The following IGF2R variants were observed in gnomAD, a reference collection of about 807,000 sequenced individuals.
The protein encoded by IGF2R is insulin like growth factor 2 receptor, also known as cation-independent mannose-6-phosphate receptor.
A neutral mutation model predicts 270.6 loss-of-function variants in IGF2R; 91 were observed. The ratio of observed to expected loss-of-function variants is 0.34; its 90% CI spans 0.28 to 0.40. IGF2R has a LOEUF of 0.40. IGF2R is among the 10% of genes least tolerant of loss of function. The probability of loss-of-function intolerance (pLI) is 1.00; values close to 1 mark genes in which losing one functional copy is unlikely to be tolerated. For missense variants in IGF2R, 2,805 were observed against 3,188.3 expected (o/e 0.88, Z 2.90); for synonymous variants, 1,316 against 1,258.9 (o/e 1.05, Z -0.96).
At chr6:160,047,124 A>T (rs762513029) in intron 15 of IGF2R, 35 bp from the exon 16 acceptor site, 1 of 1,605,254 alleles carries the variant, frequency 6.2e-7, no homozygotes, top group Non-Finnish European at 8.5e-7. Context: ...TCTGCCCCTC[A>T]GGTCTTTGCT....
intron 44 of IGF2R, chr6:160,093,816 G>C: frequency 1.4e-6 from 1 of 734,398 alleles, no homozygotes; most frequent in East Asian, 2.6e-5. Flanking sequence ...GAGCTGTTAA[G>C]GGTGCTGTGC....
intron 1 of IGF2R, among the ~76,000 whole-genome samples, chr6:159,971,053 C>G (rs1783601624): frequency 6.6e-6 from 1 of 152,194 alleles, no homozygotes; most frequent in Non-Finnish European, 1.5e-5. Flanking sequence ...GCACTCTAGT[C>G]TGGGCGACAG....
At chr6:160,022,250 G>A (rs748195333) in intron 4 of IGF2R, among the ~76,000 whole-genome samples, 12 of 152,192 alleles carry the variant, frequency 7.9e-5, no homozygotes, top group Non-Finnish European at 1.8e-4. Flanking sequence ...GTGAGAGGGT[G>A]GGAGGGCAGT....
At chr6:160,062,418 C>T (rs8191848) in intron 25 of IGF2R, 114 bp from the exon 26 acceptor site, 105 of 743,148 alleles carry the variant, frequency 1.4e-4, no homozygotes, top group African/African-American at 3.8e-4. Flanking sequence ...GTGATCCACC[C>T]GTCTCGGCCT....
At chr6:159,992,580 C>A (rs544376679) in intron 2 of IGF2R, among the ~76,000 whole-genome samples, 14 of 150,046 alleles carry the variant, frequency 9.3e-5, no homozygotes, top group Admixed American at 2.0e-4. Flanking sequence ...TGGAATTTGT[C>A]CATAGAAAAG....
chr6:159,993,985 ATTT>A (rs59369382), intron 2 of IGF2R, among the ~76,000 whole-genome samples: 12 of 61,040 alleles, frequency 2.0e-4, no homozygotes, highest in African/African-American at 6.4e-4. Context: ...CTCCAACTTG[ATTT>A]TTTTTTTTTT....
intron 1 of IGF2R, among the ~76,000 whole-genome samples, chr6:159,975,367 C>A (rs985185854): frequency 6.6e-6 from 1 of 152,162 alleles, no homozygotes; most frequent in East Asian, 1.9e-4. Context: ...TGGCTCACTA[C>A]CCTCCAGGAA....
intron 4 of IGF2R, among the ~76,000 whole-genome samples, chr6:160,014,617 A>T (rs370038820): frequency 1.3e-5 from 2 of 152,136 alleles, no homozygotes; most frequent in African/African-American, 4.8e-5. Context: ...TTCTTGCCAT[A>T]TGCCATCTTG....
At chr6:160,075,225 A>G (rs904949010) in intron 35 of IGF2R, among the ~76,000 whole-genome samples, 2 of 152,144 alleles carry the variant, frequency 1.3e-5, no homozygotes, top group East Asian at 1.9e-4. Flanking sequence ...TTTTTTTCTC[A>G]TAATACTCAG....
At position 160,083,939 on chromosome 6, in the gene IGF2R, A is replaced by G. The variant is rs1463967165; in HGVS notation, c.5834-11A>G. The G allele has an allele frequency of 1.9e-6, 3 of 1,589,636 alleles. No homozygotes were observed. Among genetic ancestry groups the G allele is most frequent in the African/African-American group, 1.3e-5 (1 of 74,398 alleles). ...AGTCTGATCTCTCTCTCTTTTCCCTACACTCCCCAGCAAACAGCTACCGGA... is the reference window on the plus strand; with the variant it reads ...AGTCTGATCTCTCTCTCTTTTCCCTGCACTCCCCAGCAAACAGCTACCGGA... On this transcript the variant is annotated splice_polypyrimidine_tract_variant and intron_variant, in intron 39 of 47. Transcript: ENST00000356956.
chr6:160,054,576 AAGCCTAGTGGTTAACG>A (rs766509983), intron 19 of IGF2R, among the ~76,000 whole-genome samples: 1 of 152,180 alleles, frequency 6.6e-6, no homozygotes, highest in Non-Finnish European at 1.5e-5. Context: ...TTAGGGAAGA[AAGCCTAGTGGTTAACG>A]AGGAAAGGGG....
intron 4 of IGF2R, among the ~76,000 whole-genome samples, chr6:160,013,891 G>A (rs1777208593): frequency 6.6e-6 from 1 of 152,132 alleles, no homozygotes; most frequent in Admixed American, 6.5e-5. Flanking sequence ...GGCTTGGTAT[G>A]ATAAGTTTAA....
In IGF2R at chr6:160,046,621, C is replaced by T. The variant is rs1778074908; in HGVS notation, c.2027C>T (p.Ser676Leu). ...TCTGTGAGCCCCTGTCAGCCAGACT[C>T]AGGAGCCTGCCAGGTGGCAAAAAGG... ...PVSVSPCQPDSGACQVAKSDE... is the reference protein window; with the variant it reads ...PVSVSPCQPDLGACQVAKSDE... The change falls in exon 15 of 48, where the codon TCA becomes TTA. Residue 676 changes from serine (S) to leucine (L), a missense_variant. Ser to Leu is a moderately radical substitution (Grantham distance 145, BLOSUM62 -2). Transcript: ENST00000356956. The T allele has an allele frequency of 4.3e-6, 7 of 1,612,532 alleles. No individual in the cohort carries two copies. The highest frequency in any genetic ancestry group is 5.9e-6 in the Non-Finnish European group (7 of 1,179,720).
Position 160,045,736 on chromosome 6 carries a change from C to A in IGF2R, c.1766-9C>A. 6.2e-7 allele frequency: 1 copy of A among 1,614,046 alleles called. No homozygotes were observed. The highest frequency in any genetic ancestry group is 1.3e-5 in the African/African-American group (1 of 75,042). On this transcript the variant is annotated splice_polypyrimidine_tract_variant and intron_variant, in intron 13 of 47. Transcript: ENST00000356956. ...ATTAGTGATCCCCATCTCTTTTCCC[C>A]ATTGACAGGTGATCTGGAAAGTGCA...
intron 42 of IGF2R, among the ~76,000 whole-genome samples, chr6:160,088,350 A>C (rs1244577140): frequency 6.6e-6 from 1 of 152,202 alleles, no homozygotes; most frequent in Non-Finnish European, 1.5e-5. Flanking sequence ...GACCAGTGCA[A>C]CTTCTCTGGG....
intron 1 of IGF2R, among the ~76,000 whole-genome samples, chr6:159,980,140 C>T (rs895510212): frequency 4.0e-5 from 6 of 150,210 alleles, no homozygotes; most frequent in Admixed American, 1.3e-4. Flanking sequence ...GAGATCGCAC[C>T]GCTGCACTCC....
At position 160,107,900 on chromosome 6, in the gene IGF2R, C is replaced by T. The variant is rs1484932087; in HGVS notation, c.*2816C>T. ...TGAATCATTTGAGATGAAGTTTCTT[C>T]CCATCACCAGGCATTCCTACAAACA... On this transcript the variant is annotated 3_prime_UTR_variant, in exon 48 of 48. Coordinates refer to ENST00000356956, the MANE Select transcript of IGF2R (RefSeq NM_000876.4). 6.6e-6 allele frequency: 1 copy of T among 152,244 alleles called. No individual in the cohort carries two copies. Among genetic ancestry groups the T allele is most frequent in the African/African-American group, 2.4e-5 (1 of 41,464 alleles). The allele number at this position is 152,244 out of a possible 1,614,324, so 9.4% of individuals were successfully genotyped here. A position where few individuals can be genotyped will look rare whatever the true frequency, so the allele number is the denominator to read the frequency against.
intron 20 of IGF2R, 133 bp from the exon 21 acceptor site, chr6:160,057,890 G>A (rs904575651): frequency 1.6e-6 from 1 of 615,728 alleles, no homozygotes; most frequent in African/African-American, 1.9e-5. Context: ...TTTTTGATAG[G>A]GATTTTGAAA....
Position 160,040,540 on chromosome 6 carries a change from T to C in IGF2R, c.1316-20T>C. On this transcript the variant is annotated intron_variant, in intron 10 of 47. Coordinates refer to ENST00000356956, the MANE Select transcript of IGF2R (RefSeq NM_000876.4). Reference sequence around the variant, plus strand: ...TTTGGTCACGTATGGAGTTTAAATTTCTCCTCTTGAATTGTGCAGGTAACG... The same window carrying C: ...TTTGGTCACGTATGGAGTTTAAATTCCTCCTCTTGAATTGTGCAGGTAACG... 1 of 1,612,776 alleles carries C rather than the reference T, an allele frequency of 6.2e-7. No individual in the cohort carries two copies. Among genetic ancestry groups the C allele is most frequent in the Non-Finnish European group, 8.5e-7 (1 of 1,178,924 alleles).
Sources: allele counts gnomAD v4.1 joint callset (sites outside exome capture counted in the v4.1 genomes callset), GRCh38; gene constraint gnomAD v4.1.1; transcripts MANE v1.5; gene names NCBI Gene and HGNC (gene_info 2026-07-23, HGNC 2026-07-21).